BTRC: variants seen among roughly 807,000 people sequenced by gnomAD.
The protein encoded by BTRC is beta-transducin repeat containing E3 ubiquitin protein ligase, also known as F-box/WD repeat-containing protein 1A.
Under a neutral mutation model 85.5 loss-of-function variants are expected in BTRC, and 42 were observed. That is an observed-to-expected ratio of 0.49 (90% CI 0.38 to 0.64). The LOEUF (loss-of-function observed/expected upper bound fraction) is 0.64, where lower values mean the gene tolerates loss of function less well. Ranked by LOEUF, BTRC falls within the 30% of genes least tolerant of loss-of-function variation. The pLI is 0.00. For synonymous variants in BTRC, 255 were observed against 263.3 expected (o/e 0.97, Z 0.30); for missense variants, 594 against 743.5 (o/e 0.80, Z 2.34).
intron 1 of BTRC, among the ~76,000 whole-genome samples, chr10:101,423,045 G>GT (rs1052074190): frequency 2.0e-5 from 3 of 151,814 alleles, no homozygotes; most frequent in Non-Finnish European, 2.9e-5. Flanking sequence ...CTATCCATGA[G>GT]TTTTTTTTAA....
At chr10:101,462,202 C>A in intron 3 of BTRC, 144 bp downstream of exon 3, 1 of 606,684 alleles carries the variant, frequency 1.6e-6, no homozygotes, top group Non-Finnish European at 2.9e-6. Flanking sequence ...CCATCACTTT[C>A]AATCAGGTGA....
intron 1 of BTRC, among the ~76,000 whole-genome samples, chr10:101,383,689 T>C (rs780535096): frequency 5.9e-5 from 9 of 152,184 alleles, no homozygotes; most frequent in Non-Finnish European, 1.3e-4. Flanking sequence ...ACTTGTTTGC[T>C]TTCTTTAATA....
intron 2 of BTRC, among the ~76,000 whole-genome samples, chr10:101,454,736 C>G (rs1295570600): frequency 6.6e-6 from 1 of 152,162 alleles, no homozygotes; most frequent in East Asian, 1.9e-4. Context: ...GAGCTATGAT[C>G]ATGTCATTAC....
In BTRC at chr10:101,556,370, A is replaced by G. The variant is rs1463998830; in HGVS notation, c.*3247A>G. ...AACAAAGGTGGGAGGGGTGGGGAATACTGGAAATAATCAGGGCAATTTTTT... is the reference window on the plus strand; with the variant it reads ...AACAAAGGTGGGAGGGGTGGGGAATGCTGGAAATAATCAGGGCAATTTTTT... On this transcript the variant is annotated 3_prime_UTR_variant, in exon 15 of 15. Transcript: ENST00000370187. The G allele has an allele frequency of 1.3e-5, 2 of 152,156 alleles. No individual in the cohort carries two copies. The highest frequency in any genetic ancestry group is 2.9e-5 in the Non-Finnish European group (2 of 68,044). 9.4% of individuals were successfully genotyped at this position (152,156 alleles called of 1,614,324 possible).
intron 1 of BTRC, among the ~76,000 whole-genome samples, chr10:101,391,573 G>A (rs1251446517): frequency 6.6e-6 from 1 of 152,176 alleles, no homozygotes; most frequent in Admixed American, 6.5e-5. Context: ...ATGTTGGAGA[G>A]ACTCTTTATA....
At chr10:101,414,159 C>A (rs561958229) in intron 1 of BTRC, among the ~76,000 whole-genome samples, 2 of 152,294 alleles carry the variant, frequency 1.3e-5, no homozygotes, top group East Asian at 3.9e-4. Context: ...TGGCAACCAC[C>A]ATCCTACTTT....
intron 2 of BTRC, among the ~76,000 whole-genome samples, chr10:101,451,198 GAA>G (rs1042747551): frequency 6.6e-6 from 1 of 152,102 alleles, no homozygotes; most frequent in African/African-American, 2.4e-5. Flanking sequence ...TAAAAGAACA[GAA>G]AACAAAATTC....
intron 1 of BTRC, among the ~76,000 whole-genome samples, chr10:101,417,654 A>G (rs1296308552): frequency 6.6e-6 from 1 of 152,196 alleles, no homozygotes; most frequent in Non-Finnish European, 1.5e-5. Context: ...CCTCCTCCTT[A>G]TCAAACTTAC....
intron 4 of BTRC, among the ~76,000 whole-genome samples, chr10:101,505,358 G>A (rs1190989896): frequency 6.7e-6 from 1 of 149,822 alleles, no homozygotes; most frequent in Non-Finnish European, 1.5e-5. Flanking sequence ...GGTGGCTTAC[G>A]CCTGTAATCC....
chr10:101,390,281 A>G (rs1409472017), intron 1 of BTRC, among the ~76,000 whole-genome samples: 3 of 150,650 alleles, frequency 2.0e-5, no homozygotes, highest in African/African-American at 4.9e-5. Flanking sequence ...AAATCAAACA[A>G]TGTTTATGGG....
chr10:101,470,388 A>G (rs1945490733), intron 3 of BTRC, among the ~76,000 whole-genome samples: 1 of 137,886 alleles, frequency 7.3e-6, no homozygotes, highest in African/African-American at 2.8e-5. Context: ...GCTGGAGTGC[A>G]GTGACACAAT....
chr10:101,412,912 G>A (rs573227921), intron 1 of BTRC, among the ~76,000 whole-genome samples: 14 of 152,200 alleles, frequency 9.2e-5, no homozygotes, highest in Middle Eastern at 3.4e-3. Flanking sequence ...AATCAAAAGT[G>A]GAAATTGGCC....
At chr10:101,469,277 T>C (rs1349350553) in intron 3 of BTRC, among the ~76,000 whole-genome samples, 2 of 152,188 alleles carry the variant, frequency 1.3e-5, no homozygotes, top group Non-Finnish European at 2.9e-5. Flanking sequence ...TGCAGAGTGG[T>C]AAAGGAACTA....
rs530339343 is a variant in BTRC at position 101,372,417 on chromosome 10, G to T, written c.48+18189G>T. 2.1e-3 allele frequency among the ~76,000 whole-genome samples: 316 copies of T among 150,140 alleles called. 1 individual carries two copies. The highest frequency in any genetic ancestry group is 3.8e-3 in the Non-Finnish European group (257 of 67,470). ...TTACAGGCACACACCACCACGCCCG[G>T]CTAATTTTTGTATTTTTAGTAGAGA... On this transcript the variant is annotated intron_variant, in intron 1 of 14. Coordinates refer to ENST00000370187, the MANE Select transcript of BTRC (RefSeq NM_033637.4).
At chr10:101,456,968 G>C (rs945145139) in intron 2 of BTRC, among the ~76,000 whole-genome samples, 1 of 151,966 alleles carries the variant, frequency 6.6e-6, no homozygotes, top group Non-Finnish European at 1.5e-5. Context: ...ATTCATAGGG[G>C]GTATGTTCCC....
intron 1 of BTRC, among the ~76,000 whole-genome samples, chr10:101,396,326 T>C (rs1432835002): frequency 6.6e-6 from 1 of 151,732 alleles, no homozygotes; most frequent in Non-Finnish European, 1.5e-5. Context: ...AAATGCTCAT[T>C]TTATACTGTA....
At chr10:101,475,953 A>ATATATATATATATATTTT (rs1265691229) in intron 3 of BTRC, among the ~76,000 whole-genome samples, 2 of 133,806 alleles carry the variant, frequency 1.5e-5, no homozygotes, top group African/African-American at 2.9e-5. Context: ...ATATATATAT[A>ATATATATATATATATTTT]TTCAGTAATT....
rs1387017553 is a variant in BTRC at position 101,554,610 on chromosome 10, C to T, written c.*1487C>T. 1 of 152,598 alleles carries T rather than the reference C, an allele frequency of 6.6e-6. No homozygotes were observed. The highest frequency in any genetic ancestry group is 6.5e-5 in the Admixed American group (1 of 15,278). 9.5% of individuals were successfully genotyped at this position (152,598 alleles called of 1,614,324 possible). The stretch of plus-strand genomic sequence containing the variant: ...GGTTTATTAATGGGGCAAAAACTGC[C>T]TTTTCTTCCTCCTCCTGACCTTATT... On this transcript the variant is annotated 3_prime_UTR_variant, in exon 15 of 15. Transcript: ENST00000370187.
At chr10:101,550,298 T>A (rs966942229) in intron 13 of BTRC, among the ~76,000 whole-genome samples, 1 of 152,058 alleles carries the variant, frequency 6.6e-6, no homozygotes, top group African/African-American at 2.4e-5. Context: ...ATTTTATTTT[T>A]TTTTTAGACA....
Sources: gnomAD v4.1 joint callset for allele counts (sites outside exome capture counted in the v4.1 genomes callset) on GRCh38, gnomAD v4.1.1 for gene constraint, MANE v1.5 for transcripts, NCBI Gene and HGNC (gene_info 2026-07-23, HGNC 2026-07-21) for gene names.